The following ZFYVE1 variants were observed in gnomAD, a reference collection of about 807,000 sequenced individuals.
ZFYVE1 encodes the protein zinc finger FYVE domain-containing protein 1.
A neutral mutation model predicts 74.4 loss-of-function variants in ZFYVE1; 30 were observed. The observed-to-expected ratio is 0.40, with a 90% CI of 0.30 to 0.55. ZFYVE1 has a LOEUF of 0.55. Among genes scored for constraint, ZFYVE1 ranks in the 20% least tolerant of loss-of-function variants. ZFYVE1 has a pLI of 0.42. For missense variants in ZFYVE1, 703 were observed against 1,011.6 expected, an observed-to-expected ratio of 0.69 and a Z score of 4.14; for synonymous variants, 335 against 385.1, an observed-to-expected ratio of 0.87 and a Z score of 1.52.
rs1217351378 is a variant in ZFYVE1 at position 73,024,174 on chromosome 14, T to C, written c.335A>G (p.Asn112Ser). 14 of 1,614,068 alleles carry C rather than the reference T, an allele frequency of 8.7e-6. No homozygotes were observed. The highest frequency in any genetic ancestry group is 1.6e-4 in the Middle Eastern group (1 of 6,084). ...ECQKRTHSGG[N>S]KRRHPVTVYN... ...CACAGTAACAGGGTGTCTCCTTTTG[T>C]TACCCCCAGAATGAGTCCTCTTCTG... The change falls in exon 2 of 12, where the codon AAC becomes AGC. Residue 112 changes from asparagine (N) to serine (S), a missense_variant. Around this residue, in one of 2 missense-constraint regions of ZFYVE1, gnomAD observed 211 missense variants for 221.7 expected, o/e 0.95. Transcript: ENST00000556143.
intron 2 of ZFYVE1, among the ~76,000 whole-genome samples, chr14:73,004,366 C>G (rs1370640057): frequency 6.6e-6 from 1 of 152,044 alleles, no homozygotes; most frequent in African/African-American, 2.4e-5. Flanking sequence ...TCCTGAGTAT[C>G]TAAGAGCAGG....
At chr14:73,010,785 A>AT (rs1261554249) in intron 2 of ZFYVE1, among the ~76,000 whole-genome samples, 16 of 150,716 alleles carry the variant, frequency 1.1e-4, no homozygotes, top group African/African-American at 3.6e-4. Flanking sequence ...AAAAAAAAAA[A>AT]AAAAAAACCA....
At chr14:72,979,268 CGGG>C (rs1380357506) in intron 5 of ZFYVE1, 3 of 295,162 alleles carry the variant, frequency 1.0e-5, no homozygotes, top group African/African-American at 2.2e-5. Context: ...GGGAGGCCGA[CGGG>C]GGCAGATCAC....
At position 73,004,013 on chromosome 14, in the gene ZFYVE1, A is replaced by G. The variant is rs1028483518; in HGVS notation, c.484-5698T>C. On this transcript the variant is annotated intron_variant, in intron 2 of 11. Coordinates refer to ENST00000556143, the MANE Select transcript of ZFYVE1 (RefSeq NM_021260.4). ...ACCTTAAACGCTTCTCCCATCATAC[A>G]TCTTCCACAGGGCTGAACACACAGC... Among the ~76,000 whole-genome samples the G allele has an allele frequency of 3.3e-5, 5 of 152,126 alleles. 1 individual carries two copies. The highest frequency in any genetic ancestry group is 7.4e-5 in the Non-Finnish European group (5 of 68,022).
intron 5 of ZFYVE1, among the ~76,000 whole-genome samples, chr14:72,980,536 AATTTATTT>A (rs777150047): frequency 1.8e-3 from 150 of 81,514 alleles, no homozygotes; most frequent in Middle Eastern, 6.5e-3. Context: ...AGAATTAATT[AATTTATTT>A]ATTTATTTAT....
chr14:72,984,487 C>T (rs1312763837), intron 4 of ZFYVE1, among the ~76,000 whole-genome samples: 1 of 151,784 alleles, frequency 6.6e-6, no homozygotes. Context: ...CAAGATCACG[C>T]CATTGCACTC....
chr14:72,992,404 A>C (rs756037958), intron 4 of ZFYVE1, among the ~76,000 whole-genome samples: 1 of 152,156 alleles, frequency 6.6e-6, no homozygotes, highest in Non-Finnish European at 1.5e-5. Flanking sequence ...TGTATAACCA[A>C]TTACTACATC....
intron 2 of ZFYVE1, among the ~76,000 whole-genome samples, chr14:73,016,979 A>G (rs765012228): frequency 1.3e-5 from 2 of 152,132 alleles, no homozygotes; most frequent in Non-Finnish European, 2.9e-5. Flanking sequence ...TTCACCAGCT[A>G]AATTACTTGA....
In ZFYVE1 at chr14:72,971,098, C is replaced by T. The variant is rs755468986; in HGVS notation, c.2118G>A (p.Ala706=). The change falls in exon 12 of 12, where the codon GCG becomes GCA. Residue 706 remains alanine (A), a synonymous_variant. Transcript: ENST00000556143. ...CAGGCACCCAGTACGCAGGCCTGGC[C>T]GCGTCCTTTACCAGACCTAAGGCAG... ...IDIPLGLVKD[A]ARPAYWVPDH... 20 of 1,613,990 alleles carry T rather than the reference C, an allele frequency of 1.2e-5. No homozygotes were observed. Among genetic ancestry groups the T allele is most frequent in the Non-Finnish European group, 1.5e-5 (18 of 1,180,038 alleles).
At chr14:73,011,222 C>T (rs968090888) in intron 2 of ZFYVE1, among the ~76,000 whole-genome samples, 2 of 150,948 alleles carry the variant, frequency 1.3e-5, no homozygotes, top group South Asian at 4.2e-4. Flanking sequence ...AGGTGGCTCA[C>T]ACCTGTAATC....
At chr14:72,991,066 T>C (rs1893599127) in intron 4 of ZFYVE1, among the ~76,000 whole-genome samples, 1 of 152,002 alleles carries the variant, frequency 6.6e-6, no homozygotes. Flanking sequence ...GAATACAGTC[T>C]AACTATTTTT....
chr14:72,978,818 A>T, intron 6 of ZFYVE1, 43 bp downstream of exon 6: 1 of 1,568,238 alleles, frequency 6.4e-7, no homozygotes, highest in East Asian at 2.2e-5. Context: ...GAGAGTGGTC[A>T]GCAAGCCCGC....
intron 4 of ZFYVE1, among the ~76,000 whole-genome samples, chr14:72,988,481 C>CTT (rs113561605): frequency 6.7e-6 from 1 of 149,946 alleles, no homozygotes; most frequent in African/African-American, 2.4e-5. Context: ...GGCCTAATAA[C>CTT]TTTTTTTTTA....
At position 72,970,975 on chromosome 14, in the gene ZFYVE1, C is replaced by G; in HGVS notation, c.2241G>C (p.Glu747Asp). The part of the protein sequence containing the change: ...CRACGQGFCD[E>D]CSHDRRAVPS... ...GAACAGCCCGGCGGTCATGGGAGCA[C>G]TCATCACAGAAGCCCTGTCCGCAGG... Residue 747 changes from glutamate to aspartate, a missense_variant, in exon 12 of 12, where the codon GAG (glutamate) becomes GAC (aspartate). Coordinates refer to ENST00000556143, the MANE Select transcript of ZFYVE1 (RefSeq NM_021260.4). 6.2e-7 allele frequency: 1 copy of G among 1,614,244 alleles called. No individual in the cohort carries two copies. The highest frequency in any genetic ancestry group is 2.2e-5 in the East Asian group (1 of 44,882).
chr14:72,995,148 G>A (rs1415685396), intron 3 of ZFYVE1, among the ~76,000 whole-genome samples: 1 of 152,170 alleles, frequency 6.6e-6, no homozygotes, highest in Non-Finnish European at 1.5e-5. Flanking sequence ...TGGATGGAGT[G>A]CAGTGGTGCA....
At chr14:73,003,054 CTTTTTTT>C (rs201185010) in intron 2 of ZFYVE1, among the ~76,000 whole-genome samples, 6 of 102,970 alleles carry the variant, frequency 5.8e-5, no homozygotes, top group African/African-American at 1.5e-4. Context: ...TTTTTCTTTT[CTTTTTTT>C]TTTTTTTTTT....
intron 2 of ZFYVE1, among the ~76,000 whole-genome samples, chr14:73,004,456 T>C (rs1213408313): frequency 6.7e-6 from 1 of 148,692 alleles, no homozygotes; most frequent in Non-Finnish European, 1.5e-5. Flanking sequence ...CACCAAATGA[T>C]GTACTATATA....
intron 1 of ZFYVE1, among the ~76,000 whole-genome samples, chr14:73,026,700 C>T (rs1894469333): frequency 6.6e-6 from 1 of 152,022 alleles, no homozygotes; most frequent in Non-Finnish European, 1.5e-5. Context: ...CGCCACAACC[C>T]GAGGGGCAGG....
chr14:72,969,718 A>G lies in ZFYVE1; in HGVS notation c.*1164T>C. Reference sequence around the variant, plus strand: ...ACCATGATGATAGGATTTCAGCACAACGGGCCCTTTCCAGTCATGACAGAC... The same window carrying G: ...ACCATGATGATAGGATTTCAGCACAGCGGGCCCTTTCCAGTCATGACAGAC... On this transcript the variant is annotated 3_prime_UTR_variant, in exon 12 of 12. Transcript: ENST00000556143. 2 of 702,486 alleles carry G rather than the reference A, an allele frequency of 2.8e-6. No individual in the cohort carries two copies. The highest frequency in any genetic ancestry group is 5.2e-6 in the Non-Finnish European group (2 of 384,800). 43.5% of individuals were successfully genotyped at this position (702,486 alleles called of 1,614,324 possible).
Sources: gnomAD v4.1 joint callset for allele counts (sites outside exome capture counted in the v4.1 genomes callset) on GRCh38, gnomAD v4.1.1 for gene constraint, gnomAD v4.1.1 regional missense constraint, MANE v1.5 for transcripts, NCBI Gene and HGNC (gene_info 2026-07-23, HGNC 2026-07-21) for gene names.